MAF: variants seen among roughly 807,000 people sequenced by gnomAD.
MAF encodes the protein MAF bZIP transcription factor.
MAF carries 10 observed loss-of-function variants against 22.0 expected under a neutral mutation model. The ratio of observed to expected loss-of-function variants is 0.45; its 90% CI spans 0.28 to 0.77. The LOEUF is 0.77. Among genes scored for constraint, MAF ranks in the 30% least tolerant of loss-of-function variants. MAF has a pLI of 0.12. For synonymous variants in MAF, 337 were observed against 255.8 expected (o/e 1.32, Z -3.03); for missense variants, 544 against 548.4 (o/e 0.99, Z 0.08).
the MAF span, among the ~76,000 whole-genome samples, chr16:79,409,604 T>C: frequency 1.3e-5 from 2 of 152,180 alleles, no homozygotes; most frequent in Non-Finnish European, 2.9e-5. Context: ...CACGGAGTAG[T>C]AATAACCCTC....
the MAF span, among the ~76,000 whole-genome samples, chr16:79,446,138 AT>A: frequency 6.6e-6 from 1 of 152,130 alleles, no homozygotes; most frequent in East Asian, 1.9e-4. Context: ...AGGAGCTGTT[AT>A]TTTATCTCAT....
chr16:79,507,474 G>C, the MAF span, among the ~76,000 whole-genome samples: 251 of 149,168 alleles, frequency 1.7e-3, 1 homozygote, highest in African/African-American at 5.9e-3. Context: ...GCCCAGGCTG[G>C]AGTGCAGTGG....
At chr16:79,551,188 G>C in the MAF span, among the ~76,000 whole-genome samples, 1 of 152,090 alleles carries the variant, frequency 6.6e-6, no homozygotes, top group Non-Finnish European at 1.5e-5. Flanking sequence ...CAACCTTAAA[G>C]GTGCTGGATC....
chr16:79,599,152 C>T lies in MAF; in HGVS notation c.751G>A (p.Ala251Thr), dbSNP rs775537453. The change falls in exon 1 of 2, where the codon GCC (alanine) becomes ACC (threonine). Residue 251 changes from alanine (A) to threonine (T), a missense_variant. By Grantham distance (58) the Ala-to-Thr change is moderately conservative. Around this residue, in one of 5 missense-constraint regions of MAF, gnomAD observed 342 missense variants for 315.5 expected, o/e 1.08. Coordinates refer to ENST00000326043, the MANE Select transcript of MAF (RefSeq NM_005360.5). ...TCGTCGAAGTGCAGGCCGCCGGCGG[C>T]GTGGTGCGGGTGCAGGGCGCCCCCC... Reference protein sequence around the residue: ...GAGGALHPHHAAGGLHFDDRF... With the variant: ...GAGGALHPHHTAGGLHFDDRF... 128 of 1,547,412 alleles carry T rather than the reference C, an allele frequency of 8.3e-5. No individual in the cohort carries two copies. In the East Asian group the frequency reaches 3.0e-3, roughly 37 times the overall value.
At chr16:79,567,653 G>A in the MAF span, among the ~76,000 whole-genome samples, 4 of 152,308 alleles carry the variant, frequency 2.6e-5, no homozygotes, top group Non-Finnish European at 4.4e-5. Context: ...TCTCCCCACT[G>A]GGCTTGGCAC....
the MAF span, among the ~76,000 whole-genome samples, chr16:79,380,287 G>T: frequency 6.6e-6 from 1 of 152,130 alleles, no homozygotes; most frequent in Non-Finnish European, 1.5e-5. Flanking sequence ...GTTTCTTCAT[G>T]TATAAGACAA....
downstream of MAF, among the ~76,000 whole-genome samples, chr16:79,591,770 G>A (rs938811340): frequency 6.6e-6 from 1 of 152,138 alleles, no homozygotes; most frequent in East Asian, 1.9e-4. Context: ...ATACTGTCAC[G>A]ATGTCATAAA....
chr16:79,583,755 CT>C (rs144186907), downstream of MAF, among the ~76,000 whole-genome samples: 1,245 of 152,306 alleles, frequency 8.2e-3, 8 homozygotes, highest in Non-Finnish European at 0.011. Flanking sequence ...CAAAAGCCAC[CT>C]TTAGCGCGAG....
At chr16:79,441,119 A>T in the MAF span, among the ~76,000 whole-genome samples, 1 of 152,246 alleles carries the variant, frequency 6.6e-6, no homozygotes, top group African/African-American at 2.4e-5. Flanking sequence ...TTACTAGTAC[A>T]TGCCAGCTGT....
the MAF span, among the ~76,000 whole-genome samples, chr16:79,305,902 G>C: frequency 0.032 from 4,900 of 152,284 alleles, 96 homozygotes; most frequent in Non-Finnish European, 0.044. Flanking sequence ...TGGGACCACA[G>C]CATGCTTTTC....
the MAF span, among the ~76,000 whole-genome samples, chr16:79,232,699 T>C: frequency 6.6e-6 from 1 of 152,122 alleles, no homozygotes; most frequent in East Asian, 1.9e-4. Context: ...TTCTCCATGA[T>C]GCCCTATGAT....
At chr16:79,340,412 C>G in the MAF span, among the ~76,000 whole-genome samples, 1 of 150,870 alleles carries the variant, frequency 6.6e-6, no homozygotes, top group African/African-American at 2.4e-5. Context: ...ATTCCCAGTG[C>G]CTGGCATAAG....
chr16:79,410,479 A>G, the MAF span, among the ~76,000 whole-genome samples: 1 of 152,176 alleles, frequency 6.6e-6, no homozygotes, highest in Non-Finnish European at 1.5e-5. Flanking sequence ...TATTCAATTC[A>G]CCTATGTGGT....
chr16:79,269,578 G>T, the MAF span, among the ~76,000 whole-genome samples: 1 of 152,122 alleles, frequency 6.6e-6, no homozygotes, highest in African/African-American at 2.4e-5. Context: ...GGTTCCCCTT[G>T]CAGAAATAAG....
chr16:79,206,424 T>C, the MAF span: 1 of 152,262 alleles, frequency 6.6e-6, no homozygotes, highest in East Asian at 1.9e-4. Context: ...GAGTTGCTTT[T>C]GATCTCTGAT....
the MAF span, among the ~76,000 whole-genome samples, chr16:79,288,002 T>C: frequency 6.6e-6 from 1 of 152,230 alleles, no homozygotes; most frequent in Non-Finnish European, 1.5e-5. Context: ...GCACCCTTTA[T>C]TTAACAAAAC....
At chr16:79,297,943 G>A in the MAF span, among the ~76,000 whole-genome samples, 2 of 152,326 alleles carry the variant, frequency 1.3e-5, no homozygotes, top group Admixed American at 6.5e-5. Flanking sequence ...GGACCCAGGA[G>A]TTAATATTTG....
the MAF span, among the ~76,000 whole-genome samples, chr16:79,415,099 G>A: frequency 2.0e-4 from 30 of 152,170 alleles, no homozygotes; most frequent in African/African-American, 6.0e-4. Flanking sequence ...TGCAGGAAGC[G>A]AGAACTAGAA....
the MAF span, among the ~76,000 whole-genome samples, chr16:79,237,733 G>A: frequency 6.6e-6 from 1 of 152,182 alleles, no homozygotes; most frequent in Non-Finnish European, 1.5e-5. Flanking sequence ...CAGCTGTCCT[G>A]TGTATTTGCA....
Sources: allele counts gnomAD v4.1 joint callset (sites outside exome capture counted in the v4.1 genomes callset), GRCh38; gene constraint gnomAD v4.1.1; regional missense constraint gnomAD v4.1.1; transcripts MANE v1.5; gene names NCBI Gene and HGNC (gene_info 2026-07-23, HGNC 2026-07-21).